L3MBTL1: variants seen among roughly 807,000 people sequenced by gnomAD.
L3MBTL1 encodes lethal(3)malignant brain tumor-like protein 1.
L3MBTL1 carries 75 observed loss-of-function variants against 105.3 expected under a neutral mutation model. The observed-to-expected ratio is 0.71, with a 90% CI of 0.59 to 0.86. The LOEUF is 0.86. L3MBTL1 is among the 40% of genes least tolerant of loss of function. L3MBTL1 has a pLI of 0.00. For synonymous variants in L3MBTL1, 452 were observed against 436.2 expected, an observed-to-expected ratio of 1.04 and a Z score of -0.45; for missense variants, 1,069 against 1,126.4, an observed-to-expected ratio of 0.95 and a Z score of 0.73.
At chr20:43,539,848 C>T (rs2019817216) in intron 19 of L3MBTL1, 3 of 481,628 alleles carry the variant, frequency 6.2e-6, no homozygotes, top group Non-Finnish European at 1.1e-5. Context: ...AGAGATGCTG[C>T]AGCAGCTCCA....
At chr20:43,535,431 T>C (rs2145473934) in intron 16 of L3MBTL1, among the ~76,000 whole-genome samples, 1 of 152,310 alleles carries the variant, frequency 6.6e-6, no homozygotes, top group African/African-American at 2.4e-5. Context: ...TTGATCCTTC[T>C]TGAATGTTCT....
chr20:43,543,351 C>T (rs1468630573), downstream of L3MBTL1, among the ~76,000 whole-genome samples: 1 of 152,168 alleles, frequency 6.6e-6, no homozygotes, highest in Non-Finnish European at 1.5e-5. Flanking sequence ...GTCGGTTGAC[C>T]ACAGGTCTTC....
intron 18 of L3MBTL1, chr20:43,548,033 C>A: frequency 5.9e-6 from 6 of 1,020,918 alleles, no homozygotes; most frequent in Non-Finnish European, 6.6e-6. Flanking sequence ...CCCATGCACA[C>A]CCCTCCCTTT....
chr20:43,535,812 G>C, intron 16 of L3MBTL1, 25 bp from the exon 17 acceptor site: 1 of 1,498,252 alleles, frequency 6.7e-7, no homozygotes, highest in Non-Finnish European at 9.1e-7. Flanking sequence ...ACTCCATGAG[G>C]ACCGCCTCCT....
At chr20:43,531,107 G>A in intron 11 of L3MBTL1, 1 of 562,414 alleles carries the variant, frequency 1.8e-6, no homozygotes, top group South Asian at 2.2e-5. Context: ...TCCCTCCTTT[G>A]CTACTGCAGA....
chr20:43,532,628 C>T, intron 11 of L3MBTL1, 145 bp from the exon 12 acceptor site: 1 of 884,940 alleles, frequency 1.1e-6, no homozygotes, highest in Admixed American at 2.5e-5. Context: ...CTGGAGGGCC[C>T]TCTTTCCCAG....
Position 43,515,625 on chromosome 20 carries a change from C to A in L3MBTL1, c.777+210C>A. The A allele has an allele frequency of 5.0e-6, 3 of 605,308 alleles. No individual in the cohort carries two copies. In the South Asian group the frequency reaches 6.6e-5, roughly 13 times the overall value. The allele number at this position is 605,308 out of a possible 1,614,324, so 37.5% of individuals were successfully genotyped here. A position where few individuals can be genotyped will look rare whatever the true frequency, so the allele number is the denominator to read the frequency against. On this transcript the variant is annotated intron_variant, in intron 6 of 21. Transcript: ENST00000418998. ...TCACTCTCTTGATTTTCCAGAGCTC[C>A]CATCTCAGTTTAGTGTCAAGGTTAA...
chr20:43,548,347 C>T lies in L3MBTL1; in HGVS notation c.*102C>T, dbSNP rs1212689975. On this transcript the variant is annotated 3_prime_UTR_variant, in exon 19 of 19. Coordinates refer to the L3MBTL1 transcript ENST00000422861. ...TCCTCATACCCCACACGTCCCCATG[C>T]TCCACCTATATCTGACCAGGCTGGT... 2.8e-6 allele frequency: 3 copies of T among 1,061,850 alleles called. No homozygotes were observed. The East Asian group carries it at 1.8e-4, about 63-fold the overall frequency. 65.8% of individuals were successfully genotyped at this position (1,061,850 alleles called of 1,614,324 possible).
At chr20:43,509,070 C>T (rs2018063694) in intron 1 of L3MBTL1, among the ~76,000 whole-genome samples, 1 of 152,236 alleles carries the variant, frequency 6.6e-6, no homozygotes, top group Non-Finnish European at 1.5e-5. Context: ...CACTTCATGG[C>T]AGACTCCTTC....
chr20:43,529,223 C>A, intron 8 of L3MBTL1, 41 bp from the exon 9 acceptor site: 1 of 1,493,510 alleles, frequency 6.7e-7, no homozygotes, highest in Non-Finnish European at 9.2e-7. Flanking sequence ...AAGGATAAGG[C>A]TGGATGGAAG....
chr20:43,530,723 T>G, intron 10 of L3MBTL1, 75 bp from the exon 11 acceptor site: 1 of 1,370,718 alleles, frequency 7.3e-7, no homozygotes, highest in East Asian at 2.3e-5. Flanking sequence ...CTGATTCTGC[T>G]GCTTCACTGT....
chr20:43,534,995 A>G lies in L3MBTL1; in HGVS notation c.1825+53A>G, dbSNP rs539806938. On this transcript the variant is annotated intron_variant, in intron 16 of 21. Transcript: ENST00000418998. The stretch of plus-strand genomic sequence containing the variant: ...TTTCCTTTCCCCCCAGGTTCTGACA[A>G]TCCTATAGTTTGCCTACAGAGCTCT... 6.4e-5 allele frequency: 83 copies of G among 1,306,654 alleles called. 2 individuals carry two copies. The highest frequency in any genetic ancestry group is 5.2e-4 in the South Asian group (41 of 79,210). The allele number at this position is 1,306,654 out of a possible 1,614,324, so 80.9% of individuals were successfully genotyped here.
chr20:43,545,957 C>T (rs1303363026), downstream of L3MBTL1, among the ~76,000 whole-genome samples: 16 of 152,246 alleles, frequency 1.1e-4, 1 homozygote, highest in Admixed American at 1.0e-3. Context: ...GTTGTCGCCA[C>T]ACCTCAGAGA....
chr20:43,530,209 G>A, intron 9 of L3MBTL1, 75 bp from the exon 10 acceptor site: 12 of 1,593,340 alleles, frequency 7.5e-6, no homozygotes, highest in Non-Finnish European at 1.0e-5. Flanking sequence ...ACCAGACTGG[G>A]CCAGGAGAGG....
chr20:43,515,201 C>G (rs2018322969), intron 5 of L3MBTL1, 42 bp downstream of exon 5: 1 of 1,614,010 alleles, frequency 6.2e-7, no homozygotes, highest in Non-Finnish European at 8.5e-7. Flanking sequence ...CTACCTTCAG[C>G]CCCCAAAGCC....
At chr20:43,521,686 A>C (rs1253343448) in intron 7 of L3MBTL1, among the ~76,000 whole-genome samples, 1 of 152,226 alleles carries the variant, frequency 6.6e-6, no homozygotes, top group Non-Finnish European at 1.5e-5. Context: ...AAAAGGGCGT[A>C]AAGTTCATAA....
chr20:43,514,415 A>G (rs2145375284), intron 3 of L3MBTL1: 2 of 1,451,042 alleles, frequency 1.4e-6, no homozygotes, highest in Non-Finnish European at 1.8e-6. Context: ...CGTGGCTTAG[A>G]GTGGGGCACC....
intron 4 of L3MBTL1, 59 bp from the exon 5 acceptor site, chr20:43,514,950 C>G: frequency 6.3e-7 from 1 of 1,581,504 alleles, no homozygotes; most frequent in Non-Finnish European, 8.6e-7. Flanking sequence ...GGGGCGTGGG[C>G]GGAGCCTGAG....
intron 18 of L3MBTL1, among the ~76,000 whole-genome samples, chr20:43,547,156 G>C (rs1978661224): frequency 6.9e-6 from 1 of 144,506 alleles, no homozygotes; most frequent in Non-Finnish European, 1.5e-5. Flanking sequence ...CCAGGCTGGA[G>C]TGCAGTGGCG....
Sources: allele counts gnomAD v4.1 joint callset (sites outside exome capture counted in the v4.1 genomes callset), GRCh38; gene constraint gnomAD v4.1.1; transcripts MANE v1.5; gene names NCBI Gene and HGNC (gene_info 2026-07-23, HGNC 2026-07-21).